UTRN: variants seen among roughly 807,000 people sequenced by gnomAD.
UTRN encodes the protein dystrophin-related protein 1.
A neutral mutation model predicts 463.9 loss-of-function variants in UTRN; 283 were observed. The ratio of observed to expected loss-of-function variants is 0.61; its 90% CI spans 0.55 to 0.67. The LOEUF (loss-of-function observed/expected upper bound fraction) is 0.67, where lower values mean the gene tolerates loss of function less well. Ranked by LOEUF, UTRN falls within the 30% of genes least tolerant of loss-of-function variation. The probability of loss-of-function intolerance (pLI) is 0.00; values close to 1 mark genes in which losing one functional copy is unlikely to be tolerated. For missense variants in UTRN, 3,922 were observed against 4,084.3 expected, an observed-to-expected ratio of 0.96 and a Z score of 1.08; for synonymous variants, 1,442 against 1,431.5, an observed-to-expected ratio of 1.01 and a Z score of -0.17.
At chr6:144,339,425 G>T (rs1243315878) in intron 2 of UTRN, among the ~76,000 whole-genome samples, 3 of 152,052 alleles carry the variant, frequency 2.0e-5, no homozygotes, top group African/African-American at 7.2e-5. Context: ...ATTTGAAAAA[G>T]ACCTATAGAT....
intron 22 of UTRN, 131 bp downstream of exon 22, chr6:144,461,473 T>C: frequency 9.2e-7 from 1 of 1,084,568 alleles, no homozygotes; most frequent in Non-Finnish European, 1.2e-6. Flanking sequence ...AAAAATGTGT[T>C]TATGATTTGA....
intron 46 of UTRN, among the ~76,000 whole-genome samples, chr6:144,548,004 C>T (rs539134137): frequency 6.6e-6 from 1 of 152,198 alleles, no homozygotes; most frequent in African/African-American, 2.4e-5. Flanking sequence ...CTTATTGTAT[C>T]AAAACCAATC....
intron 53 of UTRN, among the ~76,000 whole-genome samples, chr6:144,721,251 G>A (rs542042476): frequency 1.5e-4 from 23 of 152,190 alleles, no homozygotes; most frequent in South Asian, 1.5e-3. Flanking sequence ...TTGCTCCGTC[G>A]CCTAGGCTGG....
chr6:144,588,627 G>A (rs903370117), intron 51 of UTRN, among the ~76,000 whole-genome samples: 14 of 152,108 alleles, frequency 9.2e-5, no homozygotes, highest in African/African-American at 3.1e-4. Flanking sequence ...TTTGATAATT[G>A]TAACTTAAAG....
At chr6:144,302,259 C>G (rs982334727) in intron 2 of UTRN, among the ~76,000 whole-genome samples, 5 of 152,102 alleles carry the variant, frequency 3.3e-5, no homozygotes, top group African/African-American at 1.2e-4. Context: ...GCCTGTAATC[C>G]CAGCACTTTG....
chr6:144,840,479 C>T (rs1452601064), intron 72 of UTRN, among the ~76,000 whole-genome samples: 1 of 152,118 alleles, frequency 6.6e-6, no homozygotes, highest in Non-Finnish European at 1.5e-5. Context: ...TTTTCAGTCT[C>T]ATATTTTTCA....
chr6:144,531,012 A>T (rs965883686), intron 41 of UTRN, 40 bp from the exon 42 acceptor site: 2 of 1,586,842 alleles, frequency 1.3e-6, no homozygotes, highest in African/African-American at 2.7e-5. Context: ...CAGTCCTGGA[A>T]AATTTGGAAA....
intron 61 of UTRN, among the ~76,000 whole-genome samples, chr6:144,784,302 GA>G (rs1311541337): frequency 2.0e-5 from 3 of 152,212 alleles, no homozygotes; most frequent in Non-Finnish European, 4.4e-5. Flanking sequence ...TTCAACAAGA[GA>G]AATTTATTTC....
At chr6:144,539,121 C>G (rs532395072) in intron 44 of UTRN, among the ~76,000 whole-genome samples, 173 bp from the exon 45 acceptor site, 1 of 152,178 alleles carries the variant, frequency 6.6e-6, no homozygotes, top group African/African-American at 2.4e-5. Flanking sequence ...GTGCTCACTC[C>G]CTTCCTAGTT....
At chr6:144,442,141 T>G (rs1202662414) in intron 13 of UTRN, among the ~76,000 whole-genome samples, 2 of 152,272 alleles carry the variant, frequency 1.3e-5, no homozygotes, top group East Asian at 1.9e-4. Flanking sequence ...TGCAAATTTC[T>G]GCAGCCAGCT....
At chr6:144,303,706 T>C (rs1360028806) in intron 2 of UTRN, among the ~76,000 whole-genome samples, 1 of 152,234 alleles carries the variant, frequency 6.6e-6, no homozygotes, top group Non-Finnish European at 1.5e-5. Context: ...TTCATGTCTA[T>C]GCAGTATACT....
intron 51 of UTRN, among the ~76,000 whole-genome samples, chr6:144,639,782 T>C (rs1430668353): frequency 6.6e-6 from 1 of 152,212 alleles, no homozygotes; most frequent in Non-Finnish European, 1.5e-5. Context: ...TAGGGCTGTC[T>C]GTGCCATGTT....
chr6:144,791,771 A>T (rs1385225142), intron 62 of UTRN, among the ~76,000 whole-genome samples: 1 of 152,188 alleles, frequency 6.6e-6, no homozygotes, highest in East Asian at 1.9e-4. Context: ...ATTTATAGAA[A>T]TATGTCAAAA....
chr6:144,417,505 A>G (rs563477672), intron 3 of UTRN, among the ~76,000 whole-genome samples: 1 of 148,454 alleles, frequency 6.7e-6, no homozygotes, highest in East Asian at 1.9e-4. Context: ...CTAAATCTTT[A>G]TAAGTCTCTT....
rs1433938848 is a variant in UTRN, at chr6:144,522,019, T to A, written c.5581T>A (p.Ser1861Thr). Reference protein sequence around the residue: ...IQQRKMGQLASGIRSSLLPTD... With the variant: ...IQQRKMGQLATGIRSSLLPTD... ...ACAGAGGAAAATGGGTCAACTTGCT[T>A]CTGGAATTAGATCATCACTTCTTCC... Residue 1861 changes from serine to threonine, a missense_variant, in exon 40 of 75, where the codon TCT becomes ACT. Ser to Thr is a moderately conservative substitution (Grantham distance 58, BLOSUM62 1). Coordinates refer to ENST00000367545, the MANE Select transcript of UTRN (RefSeq NM_007124.3). 14 of 1,580,166 alleles carry A rather than the reference T, an allele frequency of 8.9e-6. No homozygotes were observed. Among genetic ancestry groups the A allele is most frequent in the Non-Finnish European group, 1.2e-5 (14 of 1,166,274 alleles).
chr6:144,738,497 C>G (rs950122862), intron 54 of UTRN, among the ~76,000 whole-genome samples: 3 of 152,194 alleles, frequency 2.0e-5, no homozygotes, highest in Admixed American at 6.5e-5. Context: ...CTTCCTCTCT[C>G]CATACCACAT....
intron 51 of UTRN, among the ~76,000 whole-genome samples, chr6:144,665,216 A>G (rs1250924236): frequency 6.6e-6 from 1 of 152,232 alleles, no homozygotes; most frequent in African/African-American, 2.4e-5. Flanking sequence ...AATCTAGTCT[A>G]GCACCCATTT....
intron 69 of UTRN, among the ~76,000 whole-genome samples, chr6:144,834,855 C>T (rs1428871344): frequency 1.3e-5 from 2 of 152,332 alleles, no homozygotes; most frequent in Non-Finnish European, 2.9e-5. Flanking sequence ...AGCTACATAA[C>T]TGACATGAGG....
intron 51 of UTRN, among the ~76,000 whole-genome samples, chr6:144,632,296 A>G (rs1362469062): frequency 2.0e-5 from 3 of 152,202 alleles, no homozygotes; most frequent in East Asian, 3.8e-4. Context: ...AATATATTTT[A>G]TAAATATACT....
Sources: gnomAD v4.1 joint callset for allele counts (sites outside exome capture counted in the v4.1 genomes callset) on GRCh38, gnomAD v4.1.1 for gene constraint, MANE v1.5 for transcripts, NCBI Gene and HGNC (gene_info 2026-07-23, HGNC 2026-07-21) for gene names.